CDH12: variants seen among roughly 807,000 people sequenced by gnomAD.
The protein encoded by CDH12 is cadherin-12.
In CDH12, 41 loss-of-function variants were observed where a neutral mutation model predicts 74.1. The observed-to-expected ratio is 0.55, with a 90% CI of 0.43 to 0.72. CDH12 has a LOEUF of 0.72. CDH12 is among the 30% of genes least tolerant of loss of function. The probability of loss-of-function intolerance (pLI) is 0.00; values close to 1 mark genes in which losing one functional copy is unlikely to be tolerated. For synonymous variants in CDH12, 399 were observed against 355.0 expected, an observed-to-expected ratio of 1.12 and a Z score of -1.39; for missense variants, 945 against 977.2, an observed-to-expected ratio of 0.97 and a Z score of 0.44.
rs534262645 is a variant in CDH12 at position 22,831,097 on chromosome 5, G to A, written c.-523+21961C>T. ...ATTCAAGAATAAATCAGTTCCTACTGATTTTCTCAAATGTTCATAGTTTAA... is the reference window on the plus strand; with the variant it reads ...ATTCAAGAATAAATCAGTTCCTACTAATTTTCTCAAATGTTCATAGTTTAA... On this transcript the variant is annotated intron_variant, in intron 1 of 14. Transcript: ENST00000382254. Among the ~76,000 whole-genome samples, 34 of 151,988 alleles carry A rather than the reference G, an allele frequency of 2.2e-4. No homozygotes were observed. The South Asian group carries it at 5.0e-3, about 22-fold the overall frequency.
chr5:22,109,397 T>C (rs917152506), intron 4 of CDH12, among the ~76,000 whole-genome samples: 19 of 152,204 alleles, frequency 1.2e-4, no homozygotes, highest in Non-Finnish European at 2.5e-4. Context: ...ATGCAACTAC[T>C]GCATGTGCAG....
At chr5:22,535,442 C>T (rs576741159) in intron 1 of CDH12, among the ~76,000 whole-genome samples, 16 of 152,212 alleles carry the variant, frequency 1.1e-4, no homozygotes, top group Middle Eastern at 3.4e-3. Context: ...AGGCGTGAGC[C>T]AACGCACCCG....
At chr5:22,419,046 C>T (rs1010718542) in intron 2 of CDH12, among the ~76,000 whole-genome samples, 72 of 152,106 alleles carry the variant, frequency 4.7e-4, no homozygotes, top group African/African-American at 1.6e-3. Context: ...TGTATTGGTT[C>T]TGCTTATGTG....
intron 5 of CDH12, among the ~76,000 whole-genome samples, chr5:22,048,618 A>G (rs1740128750): frequency 6.6e-6 from 1 of 152,160 alleles, no homozygotes; most frequent in African/African-American, 2.4e-5. Flanking sequence ...TTGCTAAAAT[A>G]TGGAAAAATA....
intron 1 of CDH12, among the ~76,000 whole-genome samples, chr5:22,557,934 A>AT (rs956544185): frequency 1.3e-5 from 2 of 152,082 alleles, no homozygotes; most frequent in African/African-American, 4.8e-5. Flanking sequence ...TGTCCAAATT[A>AT]TTTATGTCCA....
intron 5 of CDH12, among the ~76,000 whole-genome samples, chr5:22,031,131 G>A (rs1738790239): frequency 6.6e-6 from 1 of 152,010 alleles, no homozygotes; most frequent in Non-Finnish European, 1.5e-5. Context: ...TCAGGAGTTC[G>A]AGACCAGCCT....
chr5:21,761,123 TAAATA>T (rs1305760406), intron 12 of CDH12, among the ~76,000 whole-genome samples: 1 of 152,116 alleles, frequency 6.6e-6, no homozygotes, highest in Non-Finnish European at 1.5e-5. Context: ...TTTTCATAAA[TAAATA>T]AAATGATAAA....
intron 1 of CDH12, among the ~76,000 whole-genome samples, chr5:22,534,189 CT>C (rs1348655603): frequency 1.3e-5 from 2 of 151,446 alleles, no homozygotes; most frequent in Non-Finnish European, 2.9e-5. Context: ...AGCCTCTTTA[CT>C]TCTTTTTTTT....
At chr5:22,566,172 T>TA (rs1211463322) in intron 1 of CDH12, among the ~76,000 whole-genome samples, 1 of 152,034 alleles carries the variant, frequency 6.6e-6, no homozygotes, top group Admixed American at 6.6e-5. Context: ...GCATACATAT[T>TA]AAAGTAAATA....
rs142592797 is a variant in CDH12, at chr5:22,203,719, T to C, written c.-187+8779A>G. On this transcript the variant is annotated intron_variant, in intron 4 of 14. Transcript: ENST00000382254. Reference sequence around the variant, plus strand: ...TAGTTTACATTCTCACCAACAGCAATATGAATTCCCTTTTCTCCACATCCT... The same window carrying C: ...TAGTTTACATTCTCACCAACAGCAACATGAATTCCCTTTTCTCCACATCCT... Among the ~76,000 whole-genome samples, 1,301 of 152,314 alleles carry C rather than the reference T, an allele frequency of 8.5e-3. 21 individuals carry two copies. Among genetic ancestry groups the C allele is most frequent in the African/African-American group, 0.029 (1,217 of 41,564 alleles).
intron 5 of CDH12, among the ~76,000 whole-genome samples, chr5:22,069,937 A>G (rs1055867721): frequency 6.6e-6 from 1 of 152,178 alleles, no homozygotes; most frequent in Non-Finnish European, 1.5e-5. Context: ...AAGAGCCACT[A>G]CCAGCTGAGT....
At chr5:22,163,961 T>C (rs1748513052) in intron 4 of CDH12, among the ~76,000 whole-genome samples, 1 of 152,156 alleles carries the variant, frequency 6.6e-6, no homozygotes. Context: ...TTCATACTCA[T>C]ATAGTTACAT....
chr5:22,345,553 T>G (rs1049413350), intron 3 of CDH12, among the ~76,000 whole-genome samples: 2 of 152,192 alleles, frequency 1.3e-5, no homozygotes, highest in Non-Finnish European at 2.9e-5. Context: ...GTTAAATATA[T>G]TTATTAACCT....
At chr5:22,569,287 T>C (rs1739433572) in intron 1 of CDH12, among the ~76,000 whole-genome samples, 1 of 152,150 alleles carries the variant, frequency 6.6e-6, no homozygotes, top group Admixed American at 6.5e-5. Flanking sequence ...ATAGTAAGTA[T>C]TCTTGAGATC....
intron 13 of CDH12, among the ~76,000 whole-genome samples, chr5:21,759,428 TAAATA>T (rs1448695737): frequency 6.6e-6 from 1 of 151,118 alleles, no homozygotes; most frequent in East Asian, 1.9e-4. Flanking sequence ...AATAAATAAA[TAAATA>T]AAAGTATAAG....
At chr5:21,998,724 A>G (rs1449311060) in intron 5 of CDH12, among the ~76,000 whole-genome samples, 2 of 152,198 alleles carry the variant, frequency 1.3e-5, no homozygotes, top group East Asian at 3.9e-4. Flanking sequence ...ACTTAAACAT[A>G]TGACAGTGTC....
intron 4 of CDH12, among the ~76,000 whole-genome samples, chr5:22,201,915 A>G (rs1750944675): frequency 6.6e-6 from 1 of 152,160 alleles, no homozygotes; most frequent in South Asian, 2.1e-4. Flanking sequence ...AGAAAGTTAG[A>G]AGGCAGGATT....
At chr5:22,816,190 T>TTAAATTA (rs1749385310) in intron 1 of CDH12, among the ~76,000 whole-genome samples, 1 of 152,216 alleles carries the variant, frequency 6.6e-6, no homozygotes, top group African/African-American at 2.4e-5. Flanking sequence ...GAAAATTTGC[T>TTAAATTA]TAAATTATAA....
At chr5:22,050,576 C>T (rs1407575120) in intron 5 of CDH12, among the ~76,000 whole-genome samples, 1 of 152,128 alleles carries the variant, frequency 6.6e-6, no homozygotes, top group Non-Finnish European at 1.5e-5. Flanking sequence ...CTAAACAAAA[C>T]AACCATTGCA....
Sources: allele counts gnomAD v4.1 joint callset (sites outside exome capture counted in the v4.1 genomes callset), GRCh38; gene constraint gnomAD v4.1.1; transcripts MANE v1.5; gene names NCBI Gene and HGNC (gene_info 2026-07-23, HGNC 2026-07-21).